PTPRE: variants seen among roughly 807,000 people sequenced by gnomAD.
The protein encoded by PTPRE is receptor-type tyrosine-protein phosphatase epsilon.
A neutral mutation model predicts 102.0 loss-of-function variants in PTPRE; 51 were observed. The ratio of observed to expected loss-of-function variants is 0.50; its 90% CI spans 0.40 to 0.63. The LOEUF (loss-of-function observed/expected upper bound fraction) is 0.63, where lower values mean the gene tolerates loss of function less well. Ranked by LOEUF, PTPRE falls within the 30% of genes least tolerant of loss-of-function variation. The pLI, the probability that PTPRE is intolerant of heterozygous loss-of-function variation, is 0.00. For missense variants in PTPRE, 752 were observed against 915.1 expected (o/e 0.82, Z 2.30); for synonymous variants, 345 against 348.2 (o/e 0.99, Z 0.10).
chr10:127,913,453 C>T (rs1190183401), intron 1 of PTPRE, among the ~76,000 whole-genome samples: 1 of 152,130 alleles, frequency 6.6e-6, no homozygotes, highest in Admixed American at 6.5e-5. Context: ...TTTTAAATGT[C>T]CTATCACATA....
chr10:128,070,160 ACT>A lies in PTPRE; in HGVS notation c.1144-138_1144-137del, dbSNP rs1850642411. On this transcript the variant is annotated intron_variant, in intron 13 of 20. Coordinates refer to ENST00000254667, the MANE Select transcript of PTPRE (RefSeq NM_006504.6). The surrounding 1 kb of genome is among the most constrained non-coding windows in gnomAD (Gnocchi z 4.8). Reference sequence around the variant, plus strand: ...TAAATGGTCGTTATCCGTGGCCGGTACTCTGACTCTTGCCTCACACCTCCTTG... The same window carrying A: ...TAAATGGTCGTTATCCGTGGCCGGTACTGACTCTTGCCTCACACCTCCTTG... 1 of 999,548 alleles carries A rather than the reference ACT, an allele frequency of 1.0e-6. No homozygotes were observed. The highest frequency in any genetic ancestry group is 1.7e-5 in the South Asian group (1 of 59,478). 61.9% of individuals were successfully genotyped at this position (999,548 alleles called of 1,614,324 possible). A position where few individuals can be genotyped will look rare whatever the true frequency, so the allele number is the denominator to read the frequency against.
intron 1 of PTPRE, among the ~76,000 whole-genome samples, chr10:127,915,431 C>T (rs1369307500): frequency 1.3e-5 from 2 of 152,218 alleles, no homozygotes; most frequent in African/African-American, 4.8e-5. Context: ...CTGCTGTTGA[C>T]TAAGCGCTCT....
chr10:128,012,017 A>G (rs1308786524), intron 2 of PTPRE, among the ~76,000 whole-genome samples: 2 of 152,192 alleles, frequency 1.3e-5, no homozygotes, highest in East Asian at 1.9e-4. Context: ...CCAGGTGTGA[A>G]CCCAGGTCCA....
intron 1 of PTPRE, among the ~76,000 whole-genome samples, chr10:127,913,210 C>T (rs577864336): frequency 6.6e-6 from 1 of 152,330 alleles, no homozygotes; most frequent in Non-Finnish European, 1.5e-5. Context: ...TCACACAAGG[C>T]AAGGGCCCAG....
At chr10:128,033,141 C>A (rs1051928544) in intron 2 of PTPRE, among the ~76,000 whole-genome samples, 9 of 152,188 alleles carry the variant, frequency 5.9e-5, no homozygotes, top group African/African-American at 1.9e-4. Flanking sequence ...GCTTGAAGAA[C>A]CCTGCACCTG....
At chr10:128,005,436 C>T (rs1181107711) in intron 2 of PTPRE, among the ~76,000 whole-genome samples, 1 of 152,204 alleles carries the variant, frequency 6.6e-6, no homozygotes, top group Non-Finnish European at 1.5e-5. Flanking sequence ...AACCCAAGAG[C>T]CTTACACAGG....
chr10:128,036,337 C>G (rs1847215660), intron 2 of PTPRE, among the ~76,000 whole-genome samples: 1 of 152,114 alleles, frequency 6.6e-6, no homozygotes, highest in South Asian at 2.1e-4. Context: ...GCCCCAGACC[C>G]CAGATGCAAC....
At position 128,068,115 on chromosome 10, in the gene PTPRE, C is replaced by G. The variant is rs1564958164; in HGVS notation, c.844-8C>G. ...TCACCCACTCTTGTCTCCCCGCGTC[C>G]CCCGCAGCAGCTCCCCGACGGCTGC... On this transcript the variant is annotated splice_polypyrimidine_tract_variant and splice_region_variant and intron_variant, in intron 11 of 20. Transcript: ENST00000254667. The G allele has an allele frequency of 6.2e-7, 1 of 1,610,298 alleles. No individual in the cohort carries two copies. Among genetic ancestry groups the G allele is most frequent in the Non-Finnish European group, 8.5e-7 (1 of 1,177,884 alleles).
At position 128,085,272 on chromosome 10, in the gene PTPRE, C is replaced by A; in HGVS notation, c.*2366C>A. On this transcript the variant is annotated 3_prime_UTR_variant, in exon 21 of 21. Coordinates refer to ENST00000254667, the MANE Select transcript of PTPRE (RefSeq NM_006504.6). ...GGACTCAGAATCTTCTCCGTGCAACCTGGAAAGTTCATCTCTTGTTTCCTT... is the reference window on the plus strand; with the variant it reads ...GGACTCAGAATCTTCTCCGTGCAACATGGAAAGTTCATCTCTTGTTTCCTT... 1 of 315,488 alleles carries A rather than the reference C, an allele frequency of 3.2e-6. No homozygotes were observed. Among genetic ancestry groups the A allele is most frequent in the Non-Finnish European group, 6.5e-6 (1 of 154,080 alleles). The allele number at this position is 315,488 out of a possible 1,614,324, so 19.5% of individuals were successfully genotyped here.
At chr10:127,935,160 G>A (rs748839219) in intron 1 of PTPRE, among the ~76,000 whole-genome samples, 17 of 152,112 alleles carry the variant, frequency 1.1e-4, no homozygotes, top group Non-Finnish European at 2.1e-4. Context: ...AGTCTGTCGG[G>A]TGTGGGCTCC....
intron 1 of PTPRE, among the ~76,000 whole-genome samples, chr10:127,964,139 G>C (rs1226308394): frequency 1.3e-5 from 2 of 152,072 alleles, no homozygotes; most frequent in Non-Finnish European, 2.9e-5. Flanking sequence ...AGCTGGCAGA[G>C]TATCCTTTGC....
Position 128,070,800 on chromosome 10 carries a change from T to C in PTPRE, c.1294-8T>C. On this transcript the variant is annotated splice_region_variant and splice_polypyrimidine_tract_variant and intron_variant, in intron 14 of 20. Coordinates refer to ENST00000254667, the MANE Select transcript of PTPRE (RefSeq NM_006504.6). The surrounding 1 kb of genome is among the most constrained non-coding windows in gnomAD (Gnocchi z 4.8). The stretch of plus-strand genomic sequence containing the variant: ...TTAACTGTGTCATTATATCCTTCTC[T>C]GCTGCAGAAATTGACAAATGTCCGG... 1 of 1,611,778 alleles carries C rather than the reference T, an allele frequency of 6.2e-7. No homozygotes were observed.
chr10:127,992,252 A>G (rs563163783), intron 2 of PTPRE, among the ~76,000 whole-genome samples: 1 of 152,222 alleles, frequency 6.6e-6, no homozygotes, highest in East Asian at 1.9e-4. Flanking sequence ...TGTGAGGCTC[A>G]GGTACCGAAT....
At chr10:127,966,431 T>A (rs1850257140) in intron 1 of PTPRE, among the ~76,000 whole-genome samples, 1 of 152,180 alleles carries the variant, frequency 6.6e-6, no homozygotes, top group Non-Finnish European at 1.5e-5. Context: ...TGGGGAAGGT[T>A]GTGGCCATGA....
chr10:127,962,926 G>T (rs966985604), intron 1 of PTPRE, among the ~76,000 whole-genome samples: 2 of 152,226 alleles, frequency 1.3e-5, no homozygotes, highest in African/African-American at 4.8e-5. Flanking sequence ...TGGGAGAGAG[G>T]AGAGCTGGGC....
intron 1 of PTPRE, among the ~76,000 whole-genome samples, chr10:127,950,068 A>G (rs1368969951): frequency 6.6e-6 from 1 of 151,910 alleles, no homozygotes; most frequent in Admixed American, 6.6e-5. Context: ...CTGTAACTAG[A>G]CTGAAGTCCC....
At chr10:127,975,914 C>A (rs1451838026) in intron 1 of PTPRE, among the ~76,000 whole-genome samples, 4 of 152,102 alleles carry the variant, frequency 2.6e-5, no homozygotes, top group East Asian at 3.9e-4. Context: ...TATCTCTGAG[C>A]CTCAGTTCCC....
intron 1 of PTPRE, among the ~76,000 whole-genome samples, chr10:127,935,400 C>A (rs1197573299): frequency 1.3e-5 from 2 of 152,178 alleles, no homozygotes; most frequent in Non-Finnish European, 2.9e-5. Flanking sequence ...AGGCTTGAAT[C>A]CCATTACCAG....
intron 1 of PTPRE, among the ~76,000 whole-genome samples, chr10:127,968,641 A>G (rs533431986): frequency 2.0e-5 from 3 of 152,340 alleles, no homozygotes; most frequent in Admixed American, 1.3e-4. Flanking sequence ...ATTCAGGTGG[A>G]TTAAGGTATG....
Sources: allele counts gnomAD v4.1 joint callset (sites outside exome capture counted in the v4.1 genomes callset), GRCh38; gene constraint gnomAD v4.1.1; non-coding constraint Gnocchi (gnomAD v3.1); transcripts MANE v1.5; gene names NCBI Gene and HGNC (gene_info 2026-07-23, HGNC 2026-07-21).